The following ADD3 variants were observed in gnomAD, a reference collection of about 807,000 sequenced individuals.
ADD3 encodes gamma-adducin.
ADD3 carries 25 observed loss-of-function variants against 80.2 expected under a neutral mutation model. The observed-to-expected ratio is 0.31, with a 90% CI of 0.23 to 0.44. ADD3 has a LOEUF of 0.44. Ranked by LOEUF, ADD3 falls within the 20% of genes least tolerant of loss-of-function variation. ADD3 has a pLI of 1.00. For missense variants in ADD3, 829 were observed against 847.5 expected, an observed-to-expected ratio of 0.98 and a Z score of 0.27; for synonymous variants, 284 against 289.6, an observed-to-expected ratio of 0.98 and a Z score of 0.20.
upstream of ADD3, chr10:110,006,047 C>T: frequency 4.4e-6 from 1 of 225,592 alleles, no homozygotes; most frequent in South Asian, 5.5e-5. Context: ...TCTGAGGCTG[C>T]AGTAGGTTTC....
intron 1 of ADD3, among the ~76,000 whole-genome samples, chr10:110,013,062 C>T (rs1232679725): frequency 6.6e-6 from 1 of 152,040 alleles, no homozygotes; most frequent in Non-Finnish European, 1.5e-5. Context: ...AAGATGACTA[C>T]CTCTTCAAAC....
chr10:110,057,989 C>G (rs1440450738), intron 1 of ADD3, among the ~76,000 whole-genome samples: 1 of 152,146 alleles, frequency 6.6e-6, no homozygotes, highest in African/African-American at 2.4e-5. Context: ...GCTATCATTT[C>G]CCTTATGCAT....
At chr10:110,040,209 T>G (rs1025701874) in intron 1 of ADD3, among the ~76,000 whole-genome samples, 1 of 152,220 alleles carries the variant, frequency 6.6e-6, no homozygotes, top group Non-Finnish European at 1.5e-5. Context: ...TTCCAGTCTT[T>G]ACCTCATAAA....
upstream of ADD3, among the ~76,000 whole-genome samples, chr10:110,003,303 G>A (rs539265986): frequency 1.7e-5 from 1 of 57,708 alleles, no homozygotes; most frequent in South Asian, 6.4e-4. Flanking sequence ...AACAGTAAGG[G>A]TGTGTGTGTG....
intron 1 of ADD3, among the ~76,000 whole-genome samples, chr10:110,020,693 C>G (rs1004630352): frequency 6.6e-6 from 1 of 152,032 alleles, no homozygotes; most frequent in Non-Finnish European, 1.5e-5. Context: ...TGCAGGGAAA[C>G]TACTTAGGAG....
intron 1 of ADD3, among the ~76,000 whole-genome samples, chr10:110,068,753 C>T (rs1182349477): frequency 1.3e-5 from 2 of 152,062 alleles, no homozygotes; most frequent in Non-Finnish European, 2.9e-5. Flanking sequence ...ACTTACAGCC[C>T]TTGCTTTATA....
At chr10:110,103,163 G>GT (rs1478739891) in intron 2 of ADD3, among the ~76,000 whole-genome samples, 1 of 152,178 alleles carries the variant, frequency 6.6e-6, no homozygotes, top group Non-Finnish European at 1.5e-5. Flanking sequence ...TAGGACAGTG[G>GT]TTTTTAAGTT....
intron 1 of ADD3, among the ~76,000 whole-genome samples, chr10:110,042,760 C>T (rs1856516527): frequency 6.8e-6 from 1 of 146,392 alleles, no homozygotes; most frequent in Non-Finnish European, 1.5e-5. Flanking sequence ...CTGGTAATTA[C>T]AAATAAGTAC....
At chr10:110,084,385 T>G (rs914958255) in intron 1 of ADD3, among the ~76,000 whole-genome samples, 2 of 152,212 alleles carry the variant, frequency 1.3e-5, no homozygotes, top group East Asian at 1.9e-4. Context: ...AGTTAACAGT[T>G]TATTTAATGT....
intron 1 of ADD3, among the ~76,000 whole-genome samples, chr10:110,085,571 A>G (rs776792562): frequency 4.6e-5 from 7 of 152,224 alleles, no homozygotes; most frequent in East Asian, 1.9e-4. Flanking sequence ...TCCAGATCCA[A>G]TCAGTACCAG....
At chr10:110,099,406 TC>T (rs1848552512) in intron 1 of ADD3, among the ~76,000 whole-genome samples, 1 of 152,198 alleles carries the variant, frequency 6.6e-6, no homozygotes, top group African/African-American at 2.4e-5. Context: ...CCTTCTCCCT[TC>T]CGTTTCCTTC....
At chr10:110,120,075 CT>C (rs150316475) in intron 8 of ADD3, among the ~76,000 whole-genome samples, 7 of 147,728 alleles carry the variant, frequency 4.7e-5, no homozygotes, top group East Asian at 2.0e-4. Flanking sequence ...TTTTCTTTTT[CT>C]TTTTTTTTTA....
At chr10:110,049,669 C>T (rs990486258) in intron 1 of ADD3, among the ~76,000 whole-genome samples, 3 of 152,134 alleles carry the variant, frequency 2.0e-5, no homozygotes, top group Non-Finnish European at 4.4e-5. Context: ...AGGCAGGTCA[C>T]GAGGTCAGGA....
At chr10:109,998,351 C>T (rs561894939) in intron 1 of ADD3, among the ~76,000 whole-genome samples, 4 of 152,140 alleles carry the variant, frequency 2.6e-5, no homozygotes, top group Non-Finnish European at 4.4e-5. Flanking sequence ...TCATGTACTC[C>T]ATCAGCAAGT....
intron 1 of ADD3, among the ~76,000 whole-genome samples, chr10:110,024,767 T>G (rs2133117901): frequency 6.6e-6 from 1 of 152,336 alleles, no homozygotes; most frequent in Non-Finnish European, 1.5e-5. Flanking sequence ...GTTTCAAAGT[T>G]AAACTTACTA....
rs1369357752 is a variant in ADD3 at position 110,135,379 on chromosome 10, A to G, written c.*1761A>G. The G allele has an allele frequency of 6.5e-6, 1 of 152,676 alleles. No homozygotes were observed. Among genetic ancestry groups the G allele is most frequent in the Non-Finnish European group, 1.5e-5 (1 of 68,052 alleles). The allele number at this position is 152,676 out of a possible 1,614,324, so 9.5% of individuals were successfully genotyped here. ...ATCTAAATGAATGCAATGTGCATAAATATTTTTTAAACATAACAGTGAACT... is the reference window on the plus strand; with the variant it reads ...ATCTAAATGAATGCAATGTGCATAAGTATTTTTTAAACATAACAGTGAACT... On this transcript the variant is annotated 3_prime_UTR_variant, in exon 15 of 15. Coordinates refer to ENST00000356080, the MANE Select transcript of ADD3 (RefSeq NM_016824.5).
chr10:110,030,113 C>T (rs567916168), intron 1 of ADD3, among the ~76,000 whole-genome samples: 34 of 151,910 alleles, frequency 2.2e-4, no homozygotes, highest in African/African-American at 7.7e-4. Context: ...CACCTGAGGT[C>T]GGGAGTTCGA....
At chr10:110,044,788 G>C (rs1478388167) in intron 1 of ADD3, among the ~76,000 whole-genome samples, 1 of 152,170 alleles carries the variant, frequency 6.6e-6, no homozygotes, top group African/African-American at 2.4e-5. Flanking sequence ...TTTATACTTT[G>C]GGACTAGGTA....
intron 1 of ADD3, among the ~76,000 whole-genome samples, chr10:110,051,741 A>C (rs1418196841): frequency 6.6e-6 from 1 of 152,264 alleles, no homozygotes; most frequent in African/African-American, 2.4e-5. Flanking sequence ...TCTAGGAAGG[A>C]GTTCAAGGTT....
Sources: gnomAD v4.1 joint callset for allele counts (sites outside exome capture counted in the v4.1 genomes callset) on GRCh38, gnomAD v4.1.1 for gene constraint, MANE v1.5 for transcripts, NCBI Gene and HGNC (gene_info 2026-07-23, HGNC 2026-07-21) for gene names.